Variants in LRP2 observed in about 807,000 individuals in gnomAD.
The protein encoded by LRP2 is LDL receptor related protein 2.
A neutral mutation model predicts 531.0 loss-of-function variants in LRP2; 172 were observed. That is an observed-to-expected ratio of 0.32 (90% CI 0.29 to 0.37). The LOEUF is 0.37. LRP2 is among the 10% of genes least tolerant of loss of function. LRP2 has a pLI of 1.00. For missense variants in LRP2, 5,167 were observed against 5,868.3 expected, an observed-to-expected ratio of 0.88 and a Z score of 3.90; for synonymous variants, 1,992 against 2,027.6, an observed-to-expected ratio of 0.98 and a Z score of 0.47.
intron 8 of LRP2, among the ~76,000 whole-genome samples, chr2:169,289,630 C>G (rs1683949362): frequency 6.6e-6 from 1 of 151,872 alleles, no homozygotes; most frequent in African/African-American, 2.4e-5. Flanking sequence ...CATTAAAAGT[C>G]TTATTTATGA....
chr2:169,330,619 A>G (rs1054568076), intron 1 of LRP2, among the ~76,000 whole-genome samples: 3 of 152,294 alleles, frequency 2.0e-5, no homozygotes, highest in Middle Eastern at 3.4e-3. Context: ...GGGTGGGACA[A>G]TTACTCATCT....
At position 169,241,362 on chromosome 2, in the gene LRP2, G is replaced by C. The variant is rs1689797722; in HGVS notation, c.3671C>G (p.Thr1224Ser). ...SDNSDEAGCP[T>S]RPPGMCHSDE... is the part of the protein sequence containing the mutation. ...TGAGTGGCACATACCAGGAGGCCTG[G>C]TTGCTAGAAGGAAAACATGGGGTAA... Residue 1224 changes from threonine to serine, a missense_variant, in exon 25 of 79, where the codon ACC becomes AGC. Physicochemically the swap from Thr to Ser is moderately conservative, Grantham distance 58. Coordinates refer to ENST00000649046, the MANE Select transcript of LRP2 (RefSeq NM_004525.3). 1 of 1,613,988 alleles carries C rather than the reference G, an allele frequency of 6.2e-7. No homozygotes were observed. Among genetic ancestry groups the C allele is most frequent in the African/African-American group, 1.3e-5 (1 of 74,916 alleles).
At position 169,206,956 on chromosome 2, in the gene LRP2, A is replaced by G; in HGVS notation, c.6764T>C (p.Leu2255Ser). 1 of 1,614,254 alleles carries G rather than the reference A, an allele frequency of 6.2e-7. No homozygotes were observed. Residue 2255 changes from leucine (L) to serine (S), a missense_variant, in exon 39 of 79, where the codon TTA becomes TCA. By Grantham distance (145) the Leu-to-Ser change is moderately radical (BLOSUM62 -2). Coordinates refer to ENST00000649046, the MANE Select transcript of LRP2 (RefSeq NM_004525.3). ...DGYVYWVDDS[L>S]DIIARIRING... ...GATACGAATCCTTGCAATTATATCT[A>G]AAGAATCATCAACCCAATAAACGTA...
chr2:169,137,424 C>T lies in LRP2; in HGVS notation c.13588G>A (p.Asp4530Asn), dbSNP rs749693268. 1.2e-6 allele frequency: 2 copies of T among 1,614,098 alleles called. No homozygotes were observed. The highest frequency in any genetic ancestry group is 8.5e-7 in the Non-Finnish European group (1 of 1,179,942). ...IFENPMYSAR[D>N]SAVKVVQPIQ... ...GGCTGAACCACTTTGACAGCACTGT[C>T]TCTGGCTGAGTACATTGGGTTTTCA... Residue 4530 changes from aspartate (D) to asparagine (N), a missense_variant, in exon 76 of 79, where the codon GAC (aspartate) becomes AAC (asparagine). Physicochemically the swap from Asp to Asn is conservative, Grantham distance 23 (BLOSUM62 1). Coordinates refer to ENST00000649046, the MANE Select transcript of LRP2 (RefSeq NM_004525.3).
chr2:169,322,802 A>G (rs1409022498), intron 1 of LRP2, among the ~76,000 whole-genome samples: 1 of 152,230 alleles, frequency 6.6e-6, no homozygotes, highest in African/African-American at 2.4e-5. Context: ...CATAAAGAAC[A>G]GTCCTCTTAC....
At chr2:169,222,272 C>T (rs1378510613) in intron 33 of LRP2, among the ~76,000 whole-genome samples, 1 of 152,132 alleles carries the variant, frequency 6.6e-6, no homozygotes, top group Non-Finnish European at 1.5e-5. Context: ...GGAAACAGCG[C>T]TCTGTATTTA....
chr2:169,319,261 T>G (rs1178113533), intron 2 of LRP2, among the ~76,000 whole-genome samples: 1 of 152,228 alleles, frequency 6.6e-6, no homozygotes, highest in Non-Finnish European at 1.5e-5. Flanking sequence ...CATGATGAAC[T>G]GGAAAATTCA....
chr2:169,286,431 G>C (rs147267539), intron 9 of LRP2, among the ~76,000 whole-genome samples: 1 of 152,314 alleles, frequency 6.6e-6, no homozygotes, highest in Non-Finnish European at 1.5e-5. Flanking sequence ...TATCTTCTCT[G>C]ATCCTGAAAT....
At chr2:169,219,617 A>G (rs576835793) in intron 34 of LRP2, among the ~76,000 whole-genome samples, 9 of 152,294 alleles carry the variant, frequency 5.9e-5, no homozygotes, top group African/African-American at 1.9e-4. Flanking sequence ...GTTCTGACTT[A>G]TAAGTGGGAG....
rs745923772 is a variant in LRP2 at position 169,206,722 on chromosome 2, A to T, written c.6998T>A (p.Val2333Asp). The T allele has an allele frequency of 6.2e-7, 1 of 1,614,000 alleles. No individual in the cohort carries two copies. The highest frequency in any genetic ancestry group is 1.3e-5 in the African/African-American group (1 of 74,906). The change falls in exon 39 of 79, where the codon GTC (valine) becomes GAC (aspartate). Residue 2333 changes from valine to aspartate, a missense_variant. By Grantham distance (152) the Val-to-Asp change is radical. Transcript: ENST00000649046. ...LRDVTIFDKQ[V>D]QPRSPAEVNN... ...GACCTCTGCTGGTGACCGGGGCTGG[A>T]CTTGCTTGTCAAAGATGGTCACATC...
intron 45 of LRP2, among the ~76,000 whole-genome samples, chr2:169,197,889 T>C (rs937866067): frequency 6.6e-6 from 1 of 152,198 alleles, no homozygotes; most frequent in Non-Finnish European, 1.5e-5. Flanking sequence ...TTTGATTTCC[T>C]TGGGAGGGGC....
At chr2:169,299,439 C>G (rs1280438464) in intron 4 of LRP2, among the ~76,000 whole-genome samples, 1 of 151,826 alleles carries the variant, frequency 6.6e-6, no homozygotes, top group Non-Finnish European at 1.5e-5. Flanking sequence ...GAGAGGGTTG[C>G]TCCAAGGAGT....
rs763287672 is a variant in LRP2 at position 169,246,964 on chromosome 2, G to C, written c.2931C>G (p.Pro977=). Residue 977 remains proline, a synonymous_variant, in exon 21 of 79, where the codon CCC becomes CCG. Transcript: ENST00000649046. ...GGCTGCAGTCACCGTTAGGATGCGT[G>C]GGTTGATTACAGGCGTTAGAACCTG... ...IQTGSNACNQ[P]THPNGDCSHF... The C allele has an allele frequency of 1.2e-6, 2 of 1,614,170 alleles. No homozygotes were observed. Among genetic ancestry groups the C allele is most frequent in the Non-Finnish European group, 1.7e-6 (2 of 1,180,028 alleles).
In LRP2 at chr2:169,308,582, A is replaced by G. The variant is rs1323104511; in HGVS notation, c.311-1185T>C. On this transcript the variant is annotated intron_variant, in intron 3 of 78. Transcript: ENST00000649046. ...CTTTTTTACGGCTGCATAGTATTCC[A>G]TGGTGTATATGTGCCACATTTTCTT... is the stretch of plus-strand genomic sequence containing the variant. Among the ~76,000 whole-genome samples the G allele has an allele frequency of 2.0e-5, 3 of 152,192 alleles. No individual in the cohort carries two copies. In the East Asian group the frequency reaches 5.8e-4, roughly 29 times the overall value.
At chr2:169,344,333 T>C (rs1255509426) in intron 1 of LRP2, among the ~76,000 whole-genome samples, 1 of 150,818 alleles carries the variant, frequency 6.6e-6, no homozygotes, top group Admixed American at 6.6e-5. Flanking sequence ...TGTGTTCTCA[T>C]TGTTCAACTC....
intron 49 of LRP2, 92 bp downstream of exon 49, chr2:169,187,878 G>C (rs1574110946): frequency 2.2e-6 from 3 of 1,335,786 alleles, no homozygotes; most frequent in Non-Finnish European, 3.2e-6. Context: ...TTTGTAGTTA[G>C]AGGACAGGTT....
intron 36 of LRP2, among the ~76,000 whole-genome samples, chr2:169,212,927 A>G (rs1393592119): frequency 1.3e-5 from 2 of 152,156 alleles, no homozygotes; most frequent in East Asian, 3.9e-4. Flanking sequence ...GAAAAATAAA[A>G]AAAAAAGAAT....
At chr2:169,348,857 G>A (rs1574279769) in intron 1 of LRP2, among the ~76,000 whole-genome samples, 2 of 152,222 alleles carry the variant, frequency 1.3e-5, no homozygotes, top group African/African-American at 2.4e-5. Context: ...GAGAAACAGC[G>A]TTGCTAAGCC....
intron 34 of LRP2, among the ~76,000 whole-genome samples, chr2:169,217,233 T>TTGG (rs1312270122): frequency 2.0e-4 from 31 of 152,152 alleles, no homozygotes; most frequent in African/African-American, 7.5e-4. Context: ...TTCTCCTACA[T>TTGG]TCTTTTCTGA....
Sources: gnomAD v4.1 joint callset for allele counts (sites outside exome capture counted in the v4.1 genomes callset) on GRCh38, gnomAD v4.1.1 for gene constraint, MANE v1.5 for transcripts, NCBI Gene and HGNC (gene_info 2026-07-23, HGNC 2026-07-21) for gene names.